The following SRGAP1 variants were observed in gnomAD, a reference collection of about 807,000 sequenced individuals.
SRGAP1 encodes the protein SLIT-ROBO Rho GTPase-activating protein 1.
SRGAP1 carries 43 observed loss-of-function variants against 121.9 expected under a neutral mutation model. The ratio of observed to expected loss-of-function variants is 0.35; its 90% CI spans 0.28 to 0.46. The LOEUF (loss-of-function observed/expected upper bound fraction) is 0.46. Ranked by LOEUF, SRGAP1 falls within the 20% of genes least tolerant of loss-of-function variation. SRGAP1 has a pLI of 1.00. For synonymous variants in SRGAP1, 447 were observed against 485.4 expected, an observed-to-expected ratio of 0.92 and a Z score of 1.04; for missense variants, 1,102 against 1,350.9, an observed-to-expected ratio of 0.82 and a Z score of 2.89.
intron 12 of SRGAP1, 79 bp from the exon 13 acceptor site, chr12:64,094,853 T>C: frequency 7.5e-7 from 1 of 1,329,366 alleles, no homozygotes; most frequent in South Asian, 1.2e-5. Flanking sequence ...CTTTAATTAC[T>C]GTTAAACTCT....
chr12:64,062,174 C>A (rs939752017), intron 6 of SRGAP1, among the ~76,000 whole-genome samples: 2 of 152,174 alleles, frequency 1.3e-5, no homozygotes, highest in Admixed American at 1.3e-4. Context: ...TTCTCCACAT[C>A]CTCTCCAACA....
At chr12:64,074,473 C>G (rs1039223) in intron 8 of SRGAP1, among the ~76,000 whole-genome samples, 362 of 152,280 alleles carry the variant, frequency 2.4e-3, no homozygotes, top group African/African-American at 8.5e-3. Context: ...TCTCTAGATG[C>G]TATGCACTCC....
intron 1 of SRGAP1, among the ~76,000 whole-genome samples, chr12:63,865,867 AATGACC>A: frequency 6.6e-6 from 1 of 152,232 alleles, no homozygotes; most frequent in East Asian, 1.9e-4. Context: ...ATCACCACAC[AATGACC>A]ATGACCTTTT....
At chr12:63,913,480 T>TATATATATATATATATATATATATAG (rs1439123798) in intron 1 of SRGAP1, among the ~76,000 whole-genome samples, 6 of 108,622 alleles carry the variant, frequency 5.5e-5, no homozygotes, top group Non-Finnish European at 9.4e-5. Flanking sequence ...TATATATGGA[T>TATATATATATATATATATATATATAG]ATATATATAT....
At chr12:63,992,660 TACACACACACACACAC>T (rs59798383) in intron 3 of SRGAP1, among the ~76,000 whole-genome samples, 5,310 of 138,530 alleles carry the variant, frequency 0.038, 122 homozygotes, top group East Asian at 0.069. Context: ...GCACAGTAAA[TACACACACACACACAC>T]ACACACACAC....
intron 1 of SRGAP1, among the ~76,000 whole-genome samples, chr12:63,919,184 G>A (rs1259576608): frequency 6.6e-6 from 1 of 151,856 alleles, no homozygotes; most frequent in African/African-American, 2.4e-5. Context: ...TCCTGGGACT[G>A]GAAGCTGGGA....
At chr12:63,938,687 C>T (rs1292042337) in intron 1 of SRGAP1, among the ~76,000 whole-genome samples, 1 of 151,606 alleles carries the variant, frequency 6.6e-6, no homozygotes, top group African/African-American at 2.4e-5. Context: ...ATAACTTTTA[C>T]CATGTTAGCA....
At chr12:64,026,647 A>C (rs779942384) in intron 4 of SRGAP1, among the ~76,000 whole-genome samples, 1 of 152,088 alleles carries the variant, frequency 6.6e-6, no homozygotes, top group Non-Finnish European at 1.5e-5. Flanking sequence ...CAGGCAGATC[A>C]TCTAAGGTCA....
chr12:63,857,607 C>T (rs1899299613), intron 1 of SRGAP1, among the ~76,000 whole-genome samples: 1 of 152,128 alleles, frequency 6.6e-6, no homozygotes, highest in African/African-American at 2.4e-5. Context: ...TGATCTCAAA[C>T]TCCAGACATC....
chr12:63,898,308 T>C (rs913635145), intron 1 of SRGAP1, among the ~76,000 whole-genome samples: 1 of 152,216 alleles, frequency 6.6e-6, no homozygotes. Context: ...TAGAATGTAA[T>C]ATAGTACAGT....
intron 1 of SRGAP1, among the ~76,000 whole-genome samples, chr12:63,855,115 A>G (rs1211190090): frequency 2.0e-5 from 3 of 152,216 alleles, no homozygotes; most frequent in African/African-American, 4.8e-5. Flanking sequence ...CCAGGCCAGC[A>G]GGACATCTTT....
intron 4 of SRGAP1, among the ~76,000 whole-genome samples, chr12:64,023,691 A>C (rs184192575): frequency 1.3e-5 from 2 of 152,314 alleles, no homozygotes; most frequent in East Asian, 3.9e-4. Flanking sequence ...CAGAGTCAAG[A>C]GGTAACCTAT....
intron 1 of SRGAP1, among the ~76,000 whole-genome samples, chr12:63,868,079 GTTT>G (rs1565927744): frequency 1.6e-5 from 1 of 63,460 alleles, no homozygotes; most frequent in African/African-American, 6.4e-5. Flanking sequence ...TTTTTTTTTT[GTTT>G]TTTTTTTTTT....
At chr12:63,877,208 G>A (rs916378856) in intron 1 of SRGAP1, among the ~76,000 whole-genome samples, 1 of 152,126 alleles carries the variant, frequency 6.6e-6, no homozygotes. Context: ...TGGGCAACAA[G>A]AGTGAAACTC....
chr12:64,104,867 A>C (rs1381056659), intron 15 of SRGAP1, among the ~76,000 whole-genome samples: 1 of 151,856 alleles, frequency 6.6e-6, no homozygotes, highest in Non-Finnish European at 1.5e-5. Context: ...TTTGCATCCC[A>C]CAGGCCCCCT....
intron 6 of SRGAP1, among the ~76,000 whole-genome samples, chr12:64,047,095 G>A (rs1056181967): frequency 5.3e-5 from 8 of 152,074 alleles, no homozygotes; most frequent in South Asian, 2.1e-4. Context: ...TAAAAAAGTT[G>A]GACTTTTGAA....
At chr12:63,894,622 C>T (rs1394052209) in intron 1 of SRGAP1, among the ~76,000 whole-genome samples, 1 of 152,130 alleles carries the variant, frequency 6.6e-6, no homozygotes, top group Admixed American at 6.5e-5. Context: ...TCCCTCCCCA[C>T]TTCCCCACCC....
chr12:64,153,457 A>G lies in SRGAP1; in HGVS notation c.*10785A>G, dbSNP rs2037138161. The G allele has an allele frequency of 1.3e-5, 2 of 149,516 alleles. No individual in the cohort carries two copies. The highest frequency in any genetic ancestry group is 5.0e-5 in the African/African-American group (2 of 39,608). 9.3% of individuals were successfully genotyped at this position (149,516 alleles called of 1,614,324 possible). A position where few individuals can be genotyped will look rare whatever the true frequency, so the allele number is the denominator to read the frequency against. ...CACTGCACTACAGCCTGGGCGGCAC[A>G]GTGAGACTCCATCTCAAAAAAAAAA... On this transcript the variant is annotated 3_prime_UTR_variant, in exon 22 of 22. Transcript: ENST00000355086.
At chr12:63,954,354 TAA>T (rs1181763325) in intron 1 of SRGAP1, among the ~76,000 whole-genome samples, 2 of 152,184 alleles carry the variant, frequency 1.3e-5, no homozygotes, top group African/African-American at 4.8e-5. Context: ...TTGCCTTATT[TAA>T]ATGGAATTTT....
Sources: gnomAD v4.1 joint callset for allele counts (sites outside exome capture counted in the v4.1 genomes callset) on GRCh38, gnomAD v4.1.1 for gene constraint, MANE v1.5 for transcripts, NCBI Gene and HGNC (gene_info 2026-07-23, HGNC 2026-07-21) for gene names.